Variants in RAPGEF4 observed in about 807,000 individuals in gnomAD.
RAPGEF4 encodes the protein Rap guanine nucleotide exchange factor 4.
A neutral mutation model predicts 147.9 loss-of-function variants in RAPGEF4; 66 were observed. The observed-to-expected ratio is 0.45, with a 90% CI of 0.37 to 0.55. The LOEUF is 0.55. RAPGEF4 is among the 20% of genes least tolerant of loss of function. The pLI, the probability that RAPGEF4 is intolerant of heterozygous loss-of-function variation, is 0.00. For synonymous variants in RAPGEF4, 419 were observed against 442.7 expected, an observed-to-expected ratio of 0.95 and a Z score of 0.67; for missense variants, 1,071 against 1,257.3, an observed-to-expected ratio of 0.85 and a Z score of 2.24.
At position 172,988,677 on chromosome 2, in the gene RAPGEF4, G is replaced by A; in HGVS notation, c.1228-16G>A. The A allele has an allele frequency of 1.2e-6, 2 of 1,607,798 alleles. No homozygotes were observed. The highest frequency in any genetic ancestry group is 1.7e-6 in the Non-Finnish European group (2 of 1,174,640). ...TTTCAGGGATCTTCTTCATCTGTGT[G>A]CTCTACTCTATCCAGGGTGTGGTCT... On this transcript the variant is annotated splice_polypyrimidine_tract_variant and intron_variant, in intron 13 of 30. Transcript: ENST00000397081.
chr2:172,970,585 A>T (rs749890492), intron 10 of RAPGEF4, among the ~76,000 whole-genome samples: 1 of 152,142 alleles, frequency 6.6e-6, no homozygotes, highest in South Asian at 2.1e-4. Context: ...TATAATGAAG[A>T]TGTTGCTTTG....
At chr2:172,969,905 A>G (rs1378487478) in intron 10 of RAPGEF4, among the ~76,000 whole-genome samples, 1 of 152,162 alleles carries the variant, frequency 6.6e-6, no homozygotes, top group Non-Finnish European at 1.5e-5. Flanking sequence ...AGAATATTAC[A>G]TTCCAAAACT....
intron 4 of RAPGEF4, chr2:172,821,976 G>A: frequency 6.2e-7 from 1 of 1,613,488 alleles, no homozygotes; most frequent in Non-Finnish European, 8.5e-7. Context: ...TGCTCTACAA[G>A]GTCAGAATGA....
chr2:173,006,467 G>A (rs1453082478), intron 17 of RAPGEF4, among the ~76,000 whole-genome samples: 4 of 151,990 alleles, frequency 2.6e-5, no homozygotes, highest in African/African-American at 4.8e-5. Flanking sequence ...CACAAATTTT[G>A]TGCTTTTGGC....
chr2:172,853,442 T>C (rs1050344454), intron 4 of RAPGEF4, among the ~76,000 whole-genome samples: 2 of 152,036 alleles, frequency 1.3e-5, no homozygotes, highest in Non-Finnish European at 2.9e-5. Context: ...ATAGTTATCA[T>C]CTTTTCAGTG....
chr2:172,975,098 G>T (rs760358936), intron 10 of RAPGEF4, among the ~76,000 whole-genome samples: 166 of 152,272 alleles, frequency 1.1e-3, no homozygotes, highest in Non-Finnish European at 1.6e-3. Flanking sequence ...AACAAACAAT[G>T]TTCTGATATA....
chr2:172,745,850 T>C (rs1014607582), intron 1 of RAPGEF4, among the ~76,000 whole-genome samples: 1 of 152,206 alleles, frequency 6.6e-6, no homozygotes, highest in Non-Finnish European at 1.5e-5. Context: ...GTGAACAATA[T>C]CCTCAACAAC....
chr2:172,784,466 C>T (rs1281921028), intron 1 of RAPGEF4, among the ~76,000 whole-genome samples: 4 of 150,952 alleles, frequency 2.6e-5, no homozygotes, highest in South Asian at 2.1e-4. Flanking sequence ...TGCAGTGCGC[C>T]GAGATCGTGC....
At chr2:172,744,950 G>T (rs1381921755) in intron 1 of RAPGEF4, among the ~76,000 whole-genome samples, 1 of 151,954 alleles carries the variant, frequency 6.6e-6, no homozygotes, top group Non-Finnish European at 1.5e-5. Flanking sequence ...TCCTAGAATA[G>T]ATACTACTTT....
At chr2:172,849,771 A>G (rs1249754227) in intron 4 of RAPGEF4, among the ~76,000 whole-genome samples, 1 of 152,128 alleles carries the variant, frequency 6.6e-6, no homozygotes, top group Non-Finnish European at 1.5e-5. Flanking sequence ...AAGTTGCTTC[A>G]TTTTTCTGGA....
At chr2:173,010,957 G>A (rs1258119063) in intron 17 of RAPGEF4, among the ~76,000 whole-genome samples, 5 of 152,150 alleles carry the variant, frequency 3.3e-5, no homozygotes, top group African/African-American at 9.7e-5. Context: ...GAGACTTTGT[G>A]AAATAAGTCA....
chr2:172,781,523 G>A (rs1863171), intron 1 of RAPGEF4, among the ~76,000 whole-genome samples: 15,009 of 152,180 alleles, frequency 0.099, 894 homozygotes, highest in East Asian at 0.27. Flanking sequence ...TCCTGCCTTG[G>A]CCTCCCAAAG....
chr2:172,764,817 G>C (rs1239399866), intron 1 of RAPGEF4, among the ~76,000 whole-genome samples: 1 of 152,152 alleles, frequency 6.6e-6, no homozygotes, highest in East Asian at 1.9e-4. Flanking sequence ...AGTTTTATGG[G>C]AGAAGCACTG....
In RAPGEF4 at chr2:172,781,425, T is replaced by G. The variant is rs534244257; in HGVS notation, c.66-13600T>G. On this transcript the variant is annotated intron_variant, in intron 1 of 30. Transcript: ENST00000397081. ...TTGGGAGGCCAAGGAGGGTGGATCATTTGAACCTAGGAGTTTTAATTTTTA... is the reference window on the plus strand; with the variant it reads ...TTGGGAGGCCAAGGAGGGTGGATCAGTTGAACCTAGGAGTTTTAATTTTTA... Among the ~76,000 whole-genome samples, 42 of 152,120 alleles carry G rather than the reference T, an allele frequency of 2.8e-4. No homozygotes were observed. The South Asian group carries it at 8.5e-3, about 31-fold the overall frequency.
chr2:173,013,275 C>T (rs566961943), intron 17 of RAPGEF4, among the ~76,000 whole-genome samples: 6 of 152,282 alleles, frequency 3.9e-5, no homozygotes, highest in African/African-American at 1.2e-4. Context: ...TCTTGTAGCT[C>T]GCTGTGAGGA....
At chr2:172,825,378 T>C (rs531387575) in intron 4 of RAPGEF4, among the ~76,000 whole-genome samples, 11 of 152,384 alleles carry the variant, frequency 7.2e-5, no homozygotes, top group African/African-American at 2.4e-4. Flanking sequence ...TTATTGCTTT[T>C]GCACCATTGT....
intron 4 of RAPGEF4, among the ~76,000 whole-genome samples, chr2:172,867,347 A>C (rs77333874): frequency 1.5e-4 from 23 of 152,188 alleles, no homozygotes; most frequent in Admixed American, 3.3e-4. Context: ...TTAGACAAGC[A>C]GTTGGCTTCT....
chr2:172,743,013 C>G (rs1694436332), intron 1 of RAPGEF4, among the ~76,000 whole-genome samples: 1 of 152,168 alleles, frequency 6.6e-6, no homozygotes, highest in Non-Finnish European at 1.5e-5. Flanking sequence ...TTGGAATTTC[C>G]CATGAGCTTA....
chr2:173,046,750 T>G (rs1222760882), intron 29 of RAPGEF4, among the ~76,000 whole-genome samples: 1 of 152,212 alleles, frequency 6.6e-6, no homozygotes, highest in Non-Finnish European at 1.5e-5. Context: ...ATGTGTCAGT[T>G]TTCACGATCT....
Sources: allele counts gnomAD v4.1 joint callset (sites outside exome capture counted in the v4.1 genomes callset), GRCh38; gene constraint gnomAD v4.1.1; transcripts MANE v1.5; gene names NCBI Gene and HGNC (gene_info 2026-07-23, HGNC 2026-07-21).